The following KCNT2 variants were observed in gnomAD, a reference collection of about 807,000 sequenced individuals.
The protein encoded by KCNT2 is potassium channel subfamily T member 2.
In KCNT2, 67 loss-of-function variants were observed where a neutral mutation model predicts 153.8. That is an observed-to-expected ratio of 0.44 (90% CI 0.36 to 0.53). The LOEUF (loss-of-function observed/expected upper bound fraction) is 0.53, where lower values mean the gene tolerates loss of function less well. KCNT2 is among the 20% of genes least tolerant of loss of function. KCNT2 has a pLI of 0.00. For synonymous variants in KCNT2, 500 were observed against 458.8 expected (o/e 1.09, Z -1.15); for missense variants, 975 against 1,354.8 (o/e 0.72, Z 4.40).
intron 22 of KCNT2, among the ~76,000 whole-genome samples, chr1:196,289,558 A>G (rs1260948958): frequency 6.6e-6 from 1 of 152,102 alleles, no homozygotes; most frequent in Non-Finnish European, 1.5e-5. Flanking sequence ...AATGCTTAGA[A>G]CATTCATATG....
At chr1:196,349,590 C>T (rs544102044) in intron 14 of KCNT2, among the ~76,000 whole-genome samples, 1 of 152,166 alleles carries the variant, frequency 6.6e-6, no homozygotes, top group South Asian at 2.1e-4. Context: ...TATTTCCTAG[C>T]GGTACACCCT....
chr1:196,480,725 G>C (rs1004183221), intron 4 of KCNT2, among the ~76,000 whole-genome samples: 1 of 151,378 alleles, frequency 6.6e-6, no homozygotes, highest in African/African-American at 2.4e-5. Context: ...GCGTGGTGGC[G>C]GGCGCCTGTA....
intron 26 of KCNT2, among the ~76,000 whole-genome samples, chr1:196,255,164 TGTTA>T (rs1473893602): frequency 6.6e-6 from 1 of 151,766 alleles, no homozygotes; most frequent in Non-Finnish European, 1.5e-5. Flanking sequence ...TGAGGAATAA[TGTTA>T]GTTATTAACA....
rs1674428654 is a variant in KCNT2, at chr1:196,434,362, C to T, written c.639-4605G>A. On this transcript the variant is annotated intron_variant, in intron 8 of 27. Transcript: ENST00000294725. The stretch of plus-strand genomic sequence containing the variant: ...TTTTGCTTGAGTCTGCATTAAAAGC[C>T]GATCTCTGATTATAGTTAAAATGTA... Among the ~76,000 whole-genome samples the T allele has an allele frequency of 3.3e-5, 5 of 151,878 alleles. No individual in the cohort carries two copies. In the South Asian group the frequency reaches 8.3e-4, roughly 25 times the overall value.
intron 16 of KCNT2, among the ~76,000 whole-genome samples, chr1:196,337,675 C>T (rs867131766): frequency 7.9e-5 from 12 of 152,094 alleles, no homozygotes; most frequent in South Asian, 6.2e-4. Flanking sequence ...TTTCTCCAGA[C>T]CTCCACAGGA....
chr1:196,491,814 CA>C (rs1679882477), intron 2 of KCNT2, among the ~76,000 whole-genome samples: 1 of 152,036 alleles, frequency 6.6e-6, no homozygotes, highest in Non-Finnish European at 1.5e-5. Context: ...TATTTCAGTG[CA>C]ACCTAGATGT....
intron 1 of KCNT2, among the ~76,000 whole-genome samples, chr1:196,596,095 T>C (rs903340869): frequency 1.4e-5 from 2 of 138,972 alleles, no homozygotes; most frequent in Non-Finnish European, 3.0e-5. Context: ...TATATATATA[T>C]ATATATCACA....
At chr1:196,509,298 C>A in intron 1 of KCNT2, among the ~76,000 whole-genome samples, 1 of 147,008 alleles carries the variant, frequency 6.8e-6, no homozygotes. Flanking sequence ...CAAGGAAGCA[C>A]TGTTCATGAG....
intron 8 of KCNT2, among the ~76,000 whole-genome samples, chr1:196,448,810 T>G (rs915519339): frequency 6.6e-6 from 1 of 151,680 alleles, no homozygotes; most frequent in Non-Finnish European, 1.5e-5. Context: ...TGACTTTTTT[T>G]GTTTTGTTTT....
intron 26 of KCNT2, among the ~76,000 whole-genome samples, chr1:196,251,027 G>A (rs1200914103): frequency 6.6e-6 from 1 of 152,074 alleles, no homozygotes; most frequent in Non-Finnish European, 1.5e-5. Flanking sequence ...TGGTGGGAAC[G>A]TAAATTAGTA....
intron 1 of KCNT2, among the ~76,000 whole-genome samples, chr1:196,522,256 G>A (rs1422918187): frequency 6.6e-6 from 1 of 152,100 alleles, no homozygotes; most frequent in African/African-American, 2.4e-5. Context: ...AAGATTAATT[G>A]AGATGAATTT....
intron 21 of KCNT2, among the ~76,000 whole-genome samples, chr1:196,313,437 G>GC (rs1160803278): frequency 6.6e-6 from 1 of 151,450 alleles, no homozygotes; most frequent in African/African-American, 2.4e-5. Flanking sequence ...ATCAGGGTTG[G>GC]CAAGAGTCAT....
intron 22 of KCNT2, among the ~76,000 whole-genome samples, chr1:196,289,822 T>C (rs1660021507): frequency 6.6e-6 from 1 of 152,074 alleles, no homozygotes. Flanking sequence ...TCAATTGAAG[T>C]TTTACTGATG....
chr1:196,480,781 A>G (rs774679493), intron 4 of KCNT2, among the ~76,000 whole-genome samples: 4 of 137,772 alleles, frequency 2.9e-5, no homozygotes, highest in South Asian at 2.4e-4. Flanking sequence ...GCGTGAACCC[A>G]GGAGGCGGAG....
In KCNT2 at chr1:196,608,189, G is replaced by A. The variant is rs764262649; in HGVS notation, c.95+26C>T. The A allele has an allele frequency of 4.4e-6, 7 of 1,602,556 alleles. No individual in the cohort carries two copies. In the South Asian group the frequency reaches 4.4e-5, roughly 10 times the overall value. ...CGTCTCTTTTTCAGCAATATTTACA[G>A]AACAATCCTCCACCACACCACTCAC... On this transcript the variant is annotated intron_variant, in intron 1 of 27. Coordinates refer to ENST00000294725, the MANE Select transcript of KCNT2 (RefSeq NM_198503.5).
intron 21 of KCNT2, among the ~76,000 whole-genome samples, chr1:196,309,117 C>A (rs1008717928): frequency 6.6e-6 from 1 of 151,836 alleles, no homozygotes; most frequent in Non-Finnish European, 1.5e-5. Context: ...AGCATTAAGA[C>A]ACTAGTGAAT....
intron 5 of KCNT2, among the ~76,000 whole-genome samples, chr1:196,472,184 G>A (rs887257109): frequency 2.0e-5 from 3 of 152,062 alleles, no homozygotes; most frequent in African/African-American, 4.8e-5. Context: ...TTAATATCAC[G>A]AATGAGTAAA....
At chr1:196,538,574 A>C (rs1171822804) in intron 1 of KCNT2, among the ~76,000 whole-genome samples, 1 of 152,146 alleles carries the variant, frequency 6.6e-6, no homozygotes, top group Non-Finnish European at 1.5e-5. Flanking sequence ...GCTATGAATC[A>C]AGCATGAGCT....
intron 1 of KCNT2, 76 bp downstream of exon 1, chr1:196,608,139 T>G: frequency 7.5e-7 from 1 of 1,331,326 alleles, no homozygotes; most frequent in Non-Finnish European, 1.1e-6. Context: ...TCTCCCTCCT[T>G]TCCCCACTTC....
Sources: allele counts gnomAD v4.1 joint callset (sites outside exome capture counted in the v4.1 genomes callset), GRCh38; gene constraint gnomAD v4.1.1; transcripts MANE v1.5; gene names NCBI Gene and HGNC (gene_info 2026-07-23, HGNC 2026-07-21).